TCF24: variants seen among roughly 807,000 people sequenced by gnomAD.
TCF24 encodes the protein transcription factor 24.
In TCF24, 5 loss-of-function variants were observed where a neutral mutation model predicts 9.3. That is an observed-to-expected ratio of 0.54 (90% CI 0.28 to 1.13). The LOEUF (loss-of-function observed/expected upper bound fraction) is 1.13. Ranked by LOEUF, TCF24 falls within the 50% of genes most tolerant of loss-of-function variation. The pLI is 0.09. For missense variants in TCF24, 220 were observed against 236.1 expected (o/e 0.93, Z 0.45); for synonymous variants, 110 against 115.8 (o/e 0.95, Z 0.32).
intron 3 of TCF24, among the ~76,000 whole-genome samples, chr8:66,957,303 G>C (rs761053680): frequency 2.0e-5 from 3 of 149,200 alleles, no homozygotes; most frequent in African/African-American, 7.4e-5. Context: ...CATAATCCCA[G>C]CTACTTGGGA....
chr8:66,949,341 G>A (rs531987715), intron 3 of TCF24, among the ~76,000 whole-genome samples: 3,633 of 151,768 alleles, frequency 0.024, 161 homozygotes, highest in African/African-American at 0.083. Flanking sequence ...ACCTATGAGT[G>A]AGAATATGCG....
intron 3 of TCF24, among the ~76,000 whole-genome samples, chr8:66,959,047 T>C (rs574640745): frequency 6.6e-6 from 1 of 152,322 alleles, no homozygotes; most frequent in South Asian, 2.1e-4. Context: ...CCACAATCTC[T>C]TGGGCTCAAG....
intron 3 of TCF24, among the ~76,000 whole-genome samples, chr8:66,951,776 G>C (rs928569474): frequency 4.6e-5 from 7 of 152,138 alleles, no homozygotes; most frequent in African/African-American, 1.7e-4. Context: ...TTCAGCTCCT[G>C]TTATTGGTCT....
At chr8:66,960,355 A>G (rs1317113750) in intron 3 of TCF24, among the ~76,000 whole-genome samples, 1 of 152,136 alleles carries the variant, frequency 6.6e-6, no homozygotes, top group Non-Finnish European at 1.5e-5. Context: ...GTGCTTTACC[A>G]TATTAAATAA....
chr8:66,948,597 A>G (rs954490183), intron 3 of TCF24, among the ~76,000 whole-genome samples: 15 of 152,350 alleles, frequency 9.8e-5, no homozygotes, highest in Middle Eastern at 3.4e-3. Flanking sequence ...TATTTTAAAA[A>G]GTTCTATGTG....
At chr8:66,957,895 T>TAAAAAAAAAAAA (rs11299517) in intron 3 of TCF24, among the ~76,000 whole-genome samples, 1 of 43,064 alleles carries the variant, frequency 2.3e-5, no homozygotes, top group Non-Finnish European at 4.3e-5. Context: ...TAAGAATTGC[T>TAAAAAAAAAAAA]AAAAAAAAAA....
chr8:66,957,339 C>T (rs1475470944), intron 3 of TCF24, among the ~76,000 whole-genome samples: 1 of 149,928 alleles, frequency 6.7e-6, no homozygotes, highest in Non-Finnish European at 1.5e-5. Context: ...ATTGCTTGAA[C>T]CCAGGAGGCG....
intron 3 of TCF24, among the ~76,000 whole-genome samples, chr8:66,953,250 T>C (rs1322985131): frequency 2.0e-5 from 3 of 152,068 alleles, no homozygotes; most frequent in African/African-American, 4.8e-5. Flanking sequence ...TTCCTTTCCA[T>C]GTTTAGCGCT....
chr8:66,948,152 G>A lies in TCF24; in HGVS notation c.403C>T (p.Arg135Ter), dbSNP rs779500855. 9 of 1,528,566 alleles carry A rather than the reference G, an allele frequency of 5.9e-6. No individual in the cohort carries two copies. The highest frequency in any genetic ancestry group is 2.4e-5 in the South Asian group (2 of 82,114). The allele number at this position is 1,528,566 out of a possible 1,614,324, so 94.7% of individuals were successfully genotyped here. A position where few individuals can be genotyped will look rare whatever the true frequency, so the allele number is the denominator to read the frequency against. Residue 135 changes from arginine (R) to a stop codon, truncating the protein, a stop_gained, in exon 4 of 4, where the codon CGA (arginine) becomes TGA (stop). Coordinates refer to ENST00000563496, the MANE Select transcript of TCF24 (RefSeq NM_001193502.2). LOFTEE classifies it high-confidence loss of function. ...YLHPVKKWPM[R>*]SRLYIGATGQ... is the part of the protein sequence containing the mutation. ...GTAGCACCGATGTACAATCTTGATC[G>A]CATGGGCCATTTCTGAAAAAGATTA... is the stretch of plus-strand genomic sequence containing the variant.
At chr8:66,949,736 T>C (rs1436684723) in intron 3 of TCF24, among the ~76,000 whole-genome samples, 1 of 151,910 alleles carries the variant, frequency 6.6e-6, no homozygotes, top group African/African-American at 2.4e-5. Context: ...TGTAAAAGTG[T>C]TCCTGTTTCT....
intron 3 of TCF24, among the ~76,000 whole-genome samples, chr8:66,948,803 C>A (rs1366952447): frequency 1.4e-4 from 22 of 152,120 alleles, no homozygotes. Flanking sequence ...TCAAGTGATT[C>A]TCCTGCCTCA....
At chr8:66,948,371 A>G (rs1310633011) in intron 3 of TCF24, among the ~76,000 whole-genome samples, 1 of 152,236 alleles carries the variant, frequency 6.6e-6, no homozygotes, top group Non-Finnish European at 1.5e-5. Context: ...TCAGACTTTG[A>G]TTAACATTTT....
rs187189976 is a variant in TCF24 at position 66,954,964 on chromosome 8, C to T, written c.390+6412G>A. ...GCCCTGCCTTGGCTCGCACACGGTG[C>T]GCGCACCCACTGACCTGCGCCCACT... is the stretch of plus-strand genomic sequence containing the variant. On this transcript the variant is annotated intron_variant, in intron 3 of 3. Transcript: ENST00000563496. 284 of 155,256 alleles carry T rather than the reference C, an allele frequency of 1.8e-3. 3 individuals are homozygous for T. The highest frequency in any genetic ancestry group is 6.5e-3 in the African/African-American group (271 of 41,608). The allele number at this position is 155,256 out of a possible 1,614,324, so 9.6% of individuals were successfully genotyped here. A position where few individuals can be genotyped will look rare whatever the true frequency, so the allele number is the denominator to read the frequency against.
At chr8:66,948,197 G>T (rs1563404450) in intron 3 of TCF24, 33 bp from the exon 4 acceptor site, 1 of 1,475,382 alleles carries the variant, frequency 6.8e-7, no homozygotes, top group Admixed American at 2.1e-5. Flanking sequence ...GAATTCAAAA[G>T]TTAGTATCTA....
chr8:66,950,023 T>C (rs1236919519), intron 3 of TCF24, among the ~76,000 whole-genome samples: 7 of 133,196 alleles, frequency 5.3e-5, no homozygotes, highest in East Asian at 4.2e-4. Context: ...GTCAGATGAG[T>C]AGGTTGCGAA....
At chr8:66,953,925 G>A (rs1290103963) in intron 3 of TCF24, among the ~76,000 whole-genome samples, 39 of 151,220 alleles carry the variant, frequency 2.6e-4, no homozygotes, top group African/African-American at 8.0e-4. Flanking sequence ...CGTAGTTCTC[G>A]AGCCTTGGTT....
chr8:66,949,546 A>G (rs548398059), intron 3 of TCF24, among the ~76,000 whole-genome samples: 1,673 of 152,310 alleles, frequency 0.011, 29 homozygotes, highest in African/African-American at 0.038. Flanking sequence ...GCTATTGTGA[A>G]TAATGCCGCA....
At chr8:66,962,263 G>T (rs1814272596) in intron 1 of TCF24, 66 bp downstream of exon 1, 1 of 152,398 alleles carries the variant, frequency 6.6e-6, no homozygotes, top group African/African-American at 2.4e-5. Flanking sequence ...CCTCACCTCG[G>T]GGTACGGCAC....
intron 3 of TCF24, 124 bp from the exon 4 acceptor site, chr8:66,948,288 TTATAAG>T: frequency 1.7e-6 from 1 of 601,006 alleles, no homozygotes; most frequent in Non-Finnish European, 2.6e-6. Context: ...CTAATAACAA[TTATAAG>T]TATGAAGTAT....
Sources: allele counts gnomAD v4.1 joint callset (sites outside exome capture counted in the v4.1 genomes callset), GRCh38; gene constraint gnomAD v4.1.1; transcripts MANE v1.5; gene names NCBI Gene and HGNC (gene_info 2026-07-23, HGNC 2026-07-21).